IDE: variants seen among roughly 807,000 people sequenced by gnomAD.
The protein encoded by IDE is insulin-degrading enzyme.
IDE carries 58 observed loss-of-function variants against 133.2 expected under a neutral mutation model. The observed-to-expected ratio is 0.44, with a 90% CI of 0.35 to 0.54. The LOEUF (loss-of-function observed/expected upper bound fraction) is 0.54, where lower values mean the gene tolerates loss of function less well. IDE is among the 20% of genes least tolerant of loss of function. The probability of loss-of-function intolerance (pLI) is 0.00; values close to 1 mark genes in which losing one functional copy is unlikely to be tolerated. For synonymous variants in IDE, 396 were observed against 421.3 expected (o/e 0.94, Z 0.73); for missense variants, 981 against 1,234.0 (o/e 0.79, Z 3.07).
intron 19 of IDE, among the ~76,000 whole-genome samples, chr10:92,468,588 T>C (rs192905853): frequency 2.0e-5 from 3 of 152,334 alleles, no homozygotes; most frequent in South Asian, 2.1e-4. Context: ...TCATGACTCA[T>C]AGTCAATACC....
intron 11 of IDE, chr10:92,497,625 T>G (rs755427471): frequency 6.5e-6 from 3 of 463,940 alleles, no homozygotes; most frequent in Non-Finnish European, 8.5e-6. Context: ...CCTACCTGGT[T>G]GCAATGTTAA....
intron 15 of IDE, among the ~76,000 whole-genome samples, chr10:92,476,575 C>T (rs1564606098): frequency 6.6e-6 from 1 of 152,058 alleles, no homozygotes. Flanking sequence ...GAACCTCCTG[C>T]CTCAGTCTCC....
chr10:92,486,068 G>A (rs766658113), intron 13 of IDE, among the ~76,000 whole-genome samples: 10 of 152,212 alleles, frequency 6.6e-5, no homozygotes, highest in African/African-American at 1.2e-4. Flanking sequence ...AGAAAAACGG[G>A]TCCGGCGTGG....
chr10:92,549,856 C>T (rs1842701339), intron 1 of IDE, among the ~76,000 whole-genome samples: 1 of 152,026 alleles, frequency 6.6e-6, no homozygotes, highest in Non-Finnish European at 1.5e-5. Flanking sequence ...GGATTCAAAC[C>T]CAAGTCTTTA....
chr10:92,489,211 CACTT>C (rs1847202633), intron 12 of IDE, among the ~76,000 whole-genome samples: 1 of 152,132 alleles, frequency 6.6e-6, no homozygotes, highest in South Asian at 2.1e-4. Flanking sequence ...GACTAGGAAA[CACTT>C]AGTAAGTAAT....
intron 21 of IDE, among the ~76,000 whole-genome samples, chr10:92,463,278 C>T (rs1487873775): frequency 1.3e-5 from 2 of 152,134 alleles, no homozygotes; most frequent in East Asian, 3.9e-4. Context: ...TCACAGCTCT[C>T]CCAAATCTGA....
intron 4 of IDE, among the ~76,000 whole-genome samples, chr10:92,521,085 T>G (rs1351127320): frequency 6.6e-6 from 1 of 152,190 alleles, no homozygotes; most frequent in Non-Finnish European, 1.5e-5. Flanking sequence ...TTTCCCACAG[T>G]AACTGTACCA....
chr10:92,502,344 G>GT (rs1380124089), intron 11 of IDE, among the ~76,000 whole-genome samples: 1 of 151,984 alleles, frequency 6.6e-6, no homozygotes, highest in African/African-American at 2.4e-5. Context: ...ACTGTTTTTA[G>GT]TTTTTTATGT....
chr10:92,565,518 G>A (rs1843494953), intron 1 of IDE, among the ~76,000 whole-genome samples: 2 of 151,786 alleles, frequency 1.3e-5, no homozygotes, highest in South Asian at 2.1e-4. Context: ...TTTCACTTCC[G>A]ATATCATCTT....
rs143075849 is a variant in IDE at position 92,570,526 on chromosome 10, T to C, written c.98+3396A>G. ...CTACCCCTGTGGAGGGAAAGTGCTCTAGCCTTGTCATCCTGGCTAAAAGGT... is the reference window on the plus strand; with the variant it reads ...CTACCCCTGTGGAGGGAAAGTGCTCCAGCCTTGTCATCCTGGCTAAAAGGT... On this transcript the variant is annotated intron_variant, in intron 1 of 24. Coordinates refer to ENST00000265986, the MANE Select transcript of IDE (RefSeq NM_004969.4). Among the ~76,000 whole-genome samples, 613 of 152,266 alleles carry C rather than the reference T, an allele frequency of 4.0e-3. 13 individuals carry two copies. Among genetic ancestry groups the C allele is most frequent in the Non-Finnish European group, 8.5e-4 (58 of 68,006 alleles).
intron 22 of IDE, among the ~76,000 whole-genome samples, chr10:92,457,458 T>A (rs1286809975): frequency 6.6e-6 from 1 of 150,554 alleles, no homozygotes; most frequent in Non-Finnish European, 1.5e-5. Flanking sequence ...TGTCAGAAGC[T>A]AGAGTCTGCT....
Position 92,474,975 on chromosome 10 carries a change from C to G in IDE, c.1996-14G>C. The G allele has an allele frequency of 6.3e-7, 1 of 1,577,936 alleles. No homozygotes were observed. On this transcript the variant is annotated splice_polypyrimidine_tract_variant and intron_variant, in intron 16 of 24. Coordinates refer to ENST00000265986, the MANE Select transcript of IDE (RefSeq NM_004969.4). ...AGATCGCATATACTAGTGAAAGAGACATGCGTTCATTAATTTTATAAATCT... is the reference window on the plus strand; with the variant it reads ...AGATCGCATATACTAGTGAAAGAGAGATGCGTTCATTAATTTTATAAATCT...
At chr10:92,551,160 T>C (rs930191217) in intron 1 of IDE, among the ~76,000 whole-genome samples, 1 of 152,234 alleles carries the variant, frequency 6.6e-6, no homozygotes, top group Non-Finnish European at 1.5e-5. Context: ...CACGCCAGTG[T>C]CCACTGATGG....
At chr10:92,529,632 T>C (rs1489730630) in intron 4 of IDE, among the ~76,000 whole-genome samples, 7 of 152,058 alleles carry the variant, frequency 4.6e-5, no homozygotes, top group Non-Finnish European at 8.8e-5. Flanking sequence ...TCTCAGCACT[T>C]TGGGAGGCGA....
At chr10:92,570,663 G>A (rs1167230374) in intron 1 of IDE, among the ~76,000 whole-genome samples, 1 of 152,122 alleles carries the variant, frequency 6.6e-6, no homozygotes, top group Non-Finnish European at 1.5e-5. Context: ...GCTCATGCCT[G>A]TAACCCCAGC....
chr10:92,483,387 A>G, intron 13 of IDE, 50 bp from the exon 14 acceptor site: 2 of 977,296 alleles, frequency 2.0e-6, no homozygotes, highest in Non-Finnish European at 3.3e-6. Flanking sequence ...CATTCAGCAA[A>G]AATGTTCAAT....
chr10:92,504,738 T>C, intron 11 of IDE, 56 bp downstream of exon 11: 1 of 903,120 alleles, frequency 1.1e-6, no homozygotes, highest in South Asian at 1.4e-5. Context: ...TTTTTTCAGA[T>C]TCTAATCATT....
At chr10:92,512,158 T>C (rs187211109) in intron 5 of IDE, among the ~76,000 whole-genome samples, 28 of 152,312 alleles carry the variant, frequency 1.8e-4, no homozygotes, top group Non-Finnish European at 2.9e-4. Context: ...AGATAATTAG[T>C]GCTTCCACAA....
intron 14 of IDE, among the ~76,000 whole-genome samples, chr10:92,481,270 AG>A (rs1383865007): frequency 1.3e-5 from 2 of 152,164 alleles, no homozygotes; most frequent in Non-Finnish European, 2.9e-5. Flanking sequence ...AATAATTCCA[AG>A]GAGTGTCCTA....
Sources: gnomAD v4.1 joint callset for allele counts (sites outside exome capture counted in the v4.1 genomes callset) on GRCh38, gnomAD v4.1.1 for gene constraint, MANE v1.5 for transcripts, NCBI Gene and HGNC (gene_info 2026-07-23, HGNC 2026-07-21) for gene names.